The following WDR55 variants were observed in gnomAD, a reference collection of about 807,000 sequenced individuals.
WDR55 encodes WD repeat-containing protein 55.
A neutral mutation model predicts 34.0 loss-of-function variants in WDR55; 31 were observed. That is an observed-to-expected ratio of 0.91 (90% CI 0.69 to 1.23). The LOEUF is 1.23. WDR55 is among the 50% of genes most tolerant of loss of function. The pLI, the probability that WDR55 is intolerant of heterozygous loss-of-function variation, is 0.00. For synonymous variants in WDR55, 164 were observed against 185.9 expected (o/e 0.88, Z 0.96); for missense variants, 440 against 494.6 (o/e 0.89, Z 1.05).
Position 140,670,662 on chromosome 5 carries a change from A to T in WDR55, c.*1008A>T, listed in dbSNP as rs1296186613. 1 of 154,922 alleles carries T rather than the reference A, an allele frequency of 6.5e-6. No homozygotes were observed. Among genetic ancestry groups the T allele is most frequent in the East Asian group, 1.9e-4 (1 of 5,214 alleles). The allele number at this position is 154,922 out of a possible 1,614,324, so 9.6% of individuals were successfully genotyped here. On this transcript the variant is annotated 3_prime_UTR_variant, in exon 7 of 7. Coordinates refer to ENST00000358337, the MANE Select transcript of WDR55 (RefSeq NM_017706.5). Reference sequence around the variant, plus strand: ...ACACACCCGGCCTGGATATGAATTTATAATACCCTACAGTGCAACACAAGA... The same window carrying T: ...ACACACCCGGCCTGGATATGAATTTTTAATACCCTACAGTGCAACACAAGA...
At position 140,672,291 on chromosome 5, in the gene WDR55, C is replaced by A; in HGVS notation, c.*2637C>A. ...TTTAGGTAAGCGGTGGTGGTAGCAC[C>A]ATTGGAAGTTTTAAAAATCTGAGAT... On this transcript the variant is annotated 3_prime_UTR_variant, in exon 7 of 7. Transcript: ENST00000358337. The A allele has an allele frequency of 1.3e-6, 1 of 794,818 alleles. No individual in the cohort carries two copies. The highest frequency in any genetic ancestry group is 2.0e-6 in the Non-Finnish European group (1 of 502,624). The allele number at this position is 794,818 out of a possible 1,614,324, so 49.2% of individuals were successfully genotyped here. A position where few individuals can be genotyped will look rare whatever the true frequency, so the allele number is the denominator to read the frequency against.
rs572207189 is a variant in WDR55 at position 140,672,101 on chromosome 5, G to T, written c.*2447G>T. ...TACTTAATTCTCATAACAGTCTGAG[G>T]AAACAGATTCTATAGTAGTAAAAAG... is the stretch of plus-strand genomic sequence containing the variant. On this transcript the variant is annotated 3_prime_UTR_variant, in exon 7 of 7. Transcript: ENST00000358337. 1.8e-6 allele frequency: 1 copy of T among 543,972 alleles called. No individual in the cohort carries two copies. The highest frequency in any genetic ancestry group is 3.3e-6 in the Non-Finnish European group (1 of 302,952). The allele number at this position is 543,972 out of a possible 1,614,324, so 33.7% of individuals were successfully genotyped here.
In WDR55 at chr5:140,671,281, G is replaced by A; in HGVS notation, c.*1627G>A. On this transcript the variant is annotated 3_prime_UTR_variant, in exon 7 of 7. Transcript: ENST00000358337. ...CATGCCCATTCAGGGTGCCTGTGGA[G>A]AAAGAATGGAGTCACTGTTTAACCA... 6.2e-7 allele frequency: 1 copy of A among 1,612,678 alleles called. No homozygotes were observed. Among genetic ancestry groups the A allele is most frequent in the African/African-American group, 1.3e-5 (1 of 75,042 alleles).
chr5:140,668,978 C>T lies in WDR55; in HGVS notation c.648C>T (p.Val216=). ...SEPQSGDLTS[V]TLMKWGKKVA... is the part of the protein sequence containing the mutation. Reference sequence around the variant, plus strand: ...CTCAGTCTGGGGACCTGACCTCTGTCACTCTCATGAAAGTACAGCTGGTTA... The same window carrying T: ...CTCAGTCTGGGGACCTGACCTCTGTTACTCTCATGAAAGTACAGCTGGTTA... The change falls in exon 5 of 7, where the codon GTC becomes GTT. Residue 216 remains valine, a synonymous_variant. Transcript: ENST00000358337. 2 of 1,614,216 alleles carry T rather than the reference C, an allele frequency of 1.2e-6. No individual in the cohort carries two copies. Among genetic ancestry groups the T allele is most frequent in the Non-Finnish European group, 1.7e-6 (2 of 1,180,044 alleles).
In WDR55 at chr5:140,669,063, C is replaced by T. The variant is rs568201860; in HGVS notation, c.661-16C>T. 1.2e-6 allele frequency: 2 copies of T among 1,614,102 alleles called. No homozygotes were observed. The highest frequency in any genetic ancestry group is 1.1e-5 in the South Asian group (1 of 91,070). The stretch of plus-strand genomic sequence containing the variant: ...TCTGAGGCAGCTTCCACATTGTTTT[C>T]TCTATTTCCCTGCAGTGGGGGAAGA... On this transcript the variant is annotated splice_polypyrimidine_tract_variant and intron_variant, in intron 5 of 6. Coordinates refer to ENST00000358337, the MANE Select transcript of WDR55 (RefSeq NM_017706.5).
At position 140,669,438 on chromosome 5, in the gene WDR55, T is replaced by C. The variant is rs1758015003; in HGVS notation, c.936T>C (p.Ser312=). ...ALSHCGRFLA[S]SGHDQRLKFW... Reference sequence around the variant, plus strand: ...CCCACTGTGGCCGCTTCCTGGCCAGTAGTGGCCATGACCAGCGCCTCAAGT... The same window carrying C: ...CCCACTGTGGCCGCTTCCTGGCCAGCAGTGGCCATGACCAGCGCCTCAAGT... Residue 312 remains serine (S), a synonymous_variant, in exon 7 of 7, where the codon AGT becomes AGC. Coordinates refer to ENST00000358337, the MANE Select transcript of WDR55 (RefSeq NM_017706.5). The C allele has an allele frequency of 2.5e-6, 4 of 1,614,030 alleles. No individual in the cohort carries two copies. Among genetic ancestry groups the C allele is most frequent in the Non-Finnish European group, 3.4e-6 (4 of 1,179,966 alleles).
chr5:140,671,250 G>T lies in WDR55; in HGVS notation c.*1596G>T, dbSNP rs534338256. ...CCTGCTGGGATGGGGCCTGACACAG[G>T]CTCTGCATGCCCATTCAGGGTGCCT... On this transcript the variant is annotated 3_prime_UTR_variant, in exon 7 of 7. Transcript: ENST00000358337. 1.2e-6 allele frequency: 2 copies of T among 1,609,836 alleles called. No individual in the cohort carries two copies. Among genetic ancestry groups the T allele is most frequent in the South Asian group, 1.1e-5 (1 of 90,958 alleles).
chr5:140,669,058 GTT>G lies in WDR55; in HGVS notation c.661-18_661-17del. ...CTTAGTCTGAGGCAGCTTCCACATT[GTT>G]TTCTCTATTTCCCTGCAGTGGGGGA... On this transcript the variant is annotated intron_variant, in intron 5 of 6. Coordinates refer to ENST00000358337, the MANE Select transcript of WDR55 (RefSeq NM_017706.5). 1.2e-6 allele frequency: 2 copies of G among 1,614,102 alleles called. No individual in the cohort carries two copies. The highest frequency in any genetic ancestry group is 1.7e-6 in the Non-Finnish European group (2 of 1,179,992).
chr5:140,665,226 A>G, intron 1 of WDR55, 123 bp downstream of exon 1: 4 of 773,298 alleles, frequency 5.2e-6, no homozygotes, highest in Non-Finnish European at 8.1e-6. Flanking sequence ...GGTCCAATTT[A>G]TTCAGTAACA....
At position 140,671,608 on chromosome 5, in the gene WDR55, C is replaced by T. The variant is rs527677101; in HGVS notation, c.*1954C>T. ...TAGCCCGAGCCCCTTGGAACCCTAA[C>T]TTGTCCCTTGCCAAAGCCAACTGGC... is the stretch of plus-strand genomic sequence containing the variant. On this transcript the variant is annotated 3_prime_UTR_variant, in exon 7 of 7. Transcript: ENST00000358337. The T allele has an allele frequency of 4.4e-6, 7 of 1,573,100 alleles. No individual in the cohort carries two copies. The highest frequency in any genetic ancestry group is 6.0e-6 in the Non-Finnish European group (7 of 1,159,922).
intron 1 of WDR55, chr5:140,666,589 A>C (rs934110119): frequency 1.1e-5 from 11 of 984,534 alleles, no homozygotes; most frequent in Non-Finnish European, 1.3e-5. Context: ...CTTAATAATG[A>C]ATGGTTGGTA....
Position 140,671,391 on chromosome 5 carries a change from C to G in WDR55, c.*1737C>G. ...TGCAGCAGCCGTACAGACACAGCAT[C>G]CTTGGCCACCTCATGCCCATCCCGG... is the stretch of plus-strand genomic sequence containing the variant. On this transcript the variant is annotated 3_prime_UTR_variant, in exon 7 of 7. Transcript: ENST00000358337. 1 of 1,612,602 alleles carries G rather than the reference C, an allele frequency of 6.2e-7. No individual in the cohort carries two copies. The highest frequency in any genetic ancestry group is 1.3e-5 in the African/African-American group (1 of 75,054).
chr5:140,669,794 C>A lies in WDR55; in HGVS notation c.*140C>A. ...CCAGGCTGGAGTGCGCTGGCTTGATCTTGGCTCACTGCAGCCTCAATGTCC... is the reference window on the plus strand; with the variant it reads ...CCAGGCTGGAGTGCGCTGGCTTGATATTGGCTCACTGCAGCCTCAATGTCC... On this transcript the variant is annotated 3_prime_UTR_variant, in exon 7 of 7. Coordinates refer to ENST00000358337, the MANE Select transcript of WDR55 (RefSeq NM_017706.5). 1 of 829,834 alleles carries A rather than the reference C, an allele frequency of 1.2e-6. No individual in the cohort carries two copies. Among genetic ancestry groups the A allele is most frequent in the Non-Finnish European group, 1.9e-6 (1 of 536,344 alleles). The allele number at this position is 829,834 out of a possible 1,614,324, so 51.4% of individuals were successfully genotyped here.
At position 140,669,074 on chromosome 5, in the gene WDR55, T is replaced by C; in HGVS notation, c.661-5T>C. On this transcript the variant is annotated splice_region_variant and splice_polypyrimidine_tract_variant and intron_variant, in intron 5 of 6. Transcript: ENST00000358337. ...TTCCACATTGTTTTCTCTATTTCCC[T>C]GCAGTGGGGGAAGAAGGTAGCCTGT... is the stretch of plus-strand genomic sequence containing the variant. 1 of 1,614,156 alleles carries C rather than the reference T, an allele frequency of 6.2e-7. No homozygotes were observed. The highest frequency in any genetic ancestry group is 8.5e-7 in the Non-Finnish European group (1 of 1,180,010).
In WDR55 at chr5:140,671,415, G is replaced by T; in HGVS notation, c.*1761G>T. The T allele has an allele frequency of 6.2e-7, 1 of 1,612,150 alleles. No individual in the cohort carries two copies. Among genetic ancestry groups the T allele is most frequent in the Non-Finnish European group, 8.5e-7 (1 of 1,179,852 alleles). ...TCCTTGGCCACCTCATGCCCATCCC[G>T]GCCATCTAGGGTCAGCACAACCCAG... On this transcript the variant is annotated 3_prime_UTR_variant, in exon 7 of 7. Coordinates refer to ENST00000358337, the MANE Select transcript of WDR55 (RefSeq NM_017706.5).
chr5:140,666,518 C>A, intron 1 of WDR55: 1 of 621,672 alleles, frequency 1.6e-6, no homozygotes, highest in Non-Finnish European at 2.0e-6. Flanking sequence ...CCTCTCTCCC[C>A]AGACTAAAAT....
At chr5:140,667,677 T>C (rs1185435678) in intron 1 of WDR55, 3 of 152,468 alleles carry the variant, frequency 2.0e-5, no homozygotes, top group African/African-American at 7.2e-5. Context: ...GAGGATCTGC[T>C]CTGAGGCAGG....
rs1757879433 is a variant in WDR55 at position 140,664,960 on chromosome 5, G to C, written c.48G>C (p.Glu16Asp). 6.2e-7 allele frequency: 1 copy of C among 1,612,822 alleles called. No homozygotes were observed. Among genetic ancestry groups the C allele is most frequent in the African/African-American group, 1.3e-5 (1 of 75,030 alleles). ...EERPAEDGSD[E>D]EDPDSMEAPT... Reference sequence around the variant, plus strand: ...GGCCCGCTGAGGATGGGAGCGACGAGGAGGACCCAGACTCCATGGAAGCCC... The same window carrying C: ...GGCCCGCTGAGGATGGGAGCGACGACGAGGACCCAGACTCCATGGAAGCCC... The change falls in exon 1 of 7, where the codon GAG becomes GAC. Residue 16 changes from glutamate (E) to aspartate (D), a missense_variant. Physicochemically the swap from Glu to Asp is conservative, Grantham distance 45 (BLOSUM62 2). Coordinates refer to ENST00000358337, the MANE Select transcript of WDR55 (RefSeq NM_017706.5).
rs186112693 is a variant in WDR55 at position 140,665,778 on chromosome 5, G to A, written c.191+675G>A. 2.7e-3 allele frequency among the ~76,000 whole-genome samples: 417 copies of A among 152,012 alleles called. 3 individuals are homozygous for A. Among genetic ancestry groups the A allele is most frequent in the Middle Eastern group, 0.014 (4 of 294 alleles). ...GCACTTTGGGAGGCCGAGGTGGGCG[G>A]GTCACCTGAGGTTGGAGCTCGAGAC... On this transcript the variant is annotated intron_variant, in intron 1 of 6. Coordinates refer to ENST00000358337, the MANE Select transcript of WDR55 (RefSeq NM_017706.5).
Sources: allele counts gnomAD v4.1 joint callset (sites outside exome capture counted in the v4.1 genomes callset), GRCh38; gene constraint gnomAD v4.1.1; transcripts MANE v1.5; gene names NCBI Gene and HGNC (gene_info 2026-07-23, HGNC 2026-07-21).